The following PCDH17 variants were observed in gnomAD, a reference collection of about 807,000 sequenced individuals.
PCDH17 encodes the protein protocadherin-17.
In PCDH17, 21 loss-of-function variants were observed where a neutral mutation model predicts 67.7. That is an observed-to-expected ratio of 0.31 (90% CI 0.22 to 0.45). The LOEUF is 0.45. Ranked by LOEUF, PCDH17 falls within the 20% of genes least tolerant of loss-of-function variation. PCDH17 has a pLI of 1.00. For missense variants in PCDH17, 1,471 were observed against 1,564.8 expected (o/e 0.94, Z 1.01); for synonymous variants, 701 against 656.7 (o/e 1.07, Z -1.03).
chr13:57,658,896 C>T (rs1179612040), intron 1 of PCDH17, among the ~76,000 whole-genome samples: 1 of 152,102 alleles, frequency 6.6e-6, no homozygotes, highest in Non-Finnish European at 1.5e-5. Context: ...TCCCCTGCCT[C>T]AGCCGCCATC....
intron 3 of PCDH17, among the ~76,000 whole-genome samples, chr13:57,694,971 CTATA>C (rs1471712061): frequency 6.6e-6 from 1 of 150,928 alleles, no homozygotes; most frequent in Admixed American, 6.6e-5. Flanking sequence ...GCCTTTTGTG[CTATA>C]TATATTTTAG....
chr13:57,643,657 T>C (rs550124960), intron 1 of PCDH17, among the ~76,000 whole-genome samples: 3 of 151,752 alleles, frequency 2.0e-5, no homozygotes, highest in African/African-American at 7.2e-5. Context: ...TTATAAGTCA[T>C]ACAAAAAAGA....
chr13:57,642,644 A>C (rs1420923748), intron 1 of PCDH17, among the ~76,000 whole-genome samples: 1 of 151,636 alleles, frequency 6.6e-6, no homozygotes, highest in East Asian at 1.9e-4. Context: ...TTTCCACCTA[A>C]ATACTTAACA....
chr13:57,632,775 G>C lies in PCDH17; in HGVS notation c.229G>C (p.Val77Leu), dbSNP rs199544766. 6.2e-7 allele frequency: 1 copy of C among 1,613,136 alleles called. No individual in the cohort carries two copies. Among genetic ancestry groups the C allele is most frequent in the Non-Finnish European group, 8.5e-7 (1 of 1,179,942 alleles). Residue 77 changes from valine (V) to leucine (L), a missense_variant, in exon 1 of 4, where the codon GTG (valine) becomes CTG (leucine). By Grantham distance (32) the Val-to-Leu change is conservative. Coordinates refer to ENST00000377918, the MANE Select transcript of PCDH17 (RefSeq NM_001040429.3). ...GAACTCCGCACCGCACCTGCTGGAC[G>C]TGGACGCAGACAGCGGGCTCCTCTA... is the stretch of plus-strand genomic sequence containing the variant. ...LENSAPHLLD[V>L]DADSGLLYTK...
chr13:57,648,345 A>C (rs911313911), intron 1 of PCDH17, among the ~76,000 whole-genome samples: 2 of 151,996 alleles, frequency 1.3e-5, no homozygotes, highest in Non-Finnish European at 2.9e-5. Flanking sequence ...AAAGCATTTG[A>C]AATTCAATCA....
At chr13:57,718,733 A>C (rs1183456033) in intron 3 of PCDH17, among the ~76,000 whole-genome samples, 1 of 152,056 alleles carries the variant, frequency 6.6e-6, no homozygotes, top group Non-Finnish European at 1.5e-5. Flanking sequence ...CCATTTTCTG[A>C]TGAGATTTCT....
intron 3 of PCDH17, among the ~76,000 whole-genome samples, chr13:57,723,714 G>A (rs1955889904): frequency 2.0e-5 from 3 of 152,114 alleles, no homozygotes; most frequent in Admixed American, 6.6e-5. Context: ...TTAAAATATT[G>A]GGGTCAATGG....
chr13:57,691,542 ATTATTTTTTAATG>A (rs1433141379), intron 3 of PCDH17, among the ~76,000 whole-genome samples: 1 of 151,230 alleles, frequency 6.6e-6, no homozygotes, highest in Non-Finnish European at 1.5e-5. Context: ...CTCTTTTGTG[ATTATTTTTTAATG>A]TTAAAGCTTT....
chr13:57,715,701 T>C (rs1955811142), intron 3 of PCDH17, among the ~76,000 whole-genome samples: 1 of 151,854 alleles, frequency 6.6e-6, no homozygotes. Flanking sequence ...TTACTCTTTG[T>C]TGTTGTCTTT....
chr13:57,698,737 G>A (rs1303517840), intron 3 of PCDH17, among the ~76,000 whole-genome samples: 1 of 151,902 alleles, frequency 6.6e-6, no homozygotes, highest in Non-Finnish European at 1.5e-5. Context: ...CCGAAATGAT[G>A]CCTAATAAAA....
chr13:57,630,794 T>C (rs1954709379), upstream of PCDH17, among the ~76,000 whole-genome samples: 1 of 152,192 alleles, frequency 6.6e-6, no homozygotes, highest in Admixed American at 6.5e-5. Flanking sequence ...CCGCAACTAA[T>C]GTCTGTGAAG....
intron 3 of PCDH17, among the ~76,000 whole-genome samples, chr13:57,667,292 T>C (rs1280780310): frequency 6.6e-6 from 1 of 152,172 alleles, no homozygotes; most frequent in Non-Finnish European, 1.5e-5. Context: ...AGCTTCAAAA[T>C]AGTTTTTCAA....
Position 57,726,180 on chromosome 13 carries a change from T to A in PCDH17, c.*886T>A, listed in dbSNP as rs925176527. The A allele has an allele frequency of 6.6e-6, 1 of 152,630 alleles. No homozygotes were observed. The highest frequency in any genetic ancestry group is 2.4e-5 in the African/African-American group (1 of 41,454). The allele number at this position is 152,630 out of a possible 1,614,324, so 9.5% of individuals were successfully genotyped here. ...AAGATTCAGAGAAAATTAACTTGATTAATATGTTTTATTCATTTGTGGACA... is the reference window on the plus strand; with the variant it reads ...AAGATTCAGAGAAAATTAACTTGATAAATATGTTTTATTCATTTGTGGACA... On this transcript the variant is annotated 3_prime_UTR_variant, in exon 4 of 4. Transcript: ENST00000377918.
At chr13:57,667,011 C>G (rs965086308) in intron 3 of PCDH17, among the ~76,000 whole-genome samples, 178 bp downstream of exon 3, 2 of 152,046 alleles carry the variant, frequency 1.3e-5, no homozygotes, top group African/African-American at 4.8e-5. Context: ...CAGTCAAAAA[C>G]GAAAAACGAA....
At chr13:57,656,764 G>T (rs139712844) in intron 1 of PCDH17, among the ~76,000 whole-genome samples, 1 of 152,246 alleles carries the variant, frequency 6.6e-6, no homozygotes, top group African/African-American at 2.4e-5. Context: ...GAATAAAAAG[G>T]GAAGACTAAG....
At position 57,633,504 on chromosome 13, in the gene PCDH17, G is replaced by A; in HGVS notation, c.958G>A (p.Asp320Asn). Reference protein sequence around the residue: ...DYEENGMLEIDVQARDLGPNP... With the variant: ...DYEENGMLEINVQARDLGPNP... ...TGAGGAAAACGGGATGCTGGAGATT[G>A]ACGTGCAGGCCCGAGACCTGGGGCC... Residue 320 changes from aspartate to asparagine, a missense_variant, in exon 1 of 4, where the codon GAC becomes AAC. Coordinates refer to ENST00000377918, the MANE Select transcript of PCDH17 (RefSeq NM_001040429.3). This position sits in a 1 kb window ranked among gnomAD's most constrained non-coding sequence, Gnocchi z 6.2. The A allele has an allele frequency of 6.2e-7, 1 of 1,613,936 alleles. No homozygotes were observed. The highest frequency in any genetic ancestry group is 8.5e-7 in the Non-Finnish European group (1 of 1,180,036).
chr13:57,729,055 T>G lies in PCDH17; in HGVS notation c.*3761T>G. The G allele has an allele frequency of 6.6e-6, 1 of 152,156 alleles. No homozygotes were observed. The highest frequency in any genetic ancestry group is 1.9e-4 in the East Asian group (1 of 5,196). The allele number at this position is 152,156 out of a possible 1,614,324, so 9.4% of individuals were successfully genotyped here. A position where few individuals can be genotyped will look rare whatever the true frequency, so the allele number is the denominator to read the frequency against. The stretch of plus-strand genomic sequence containing the variant: ...AATGAGAGTTTTGGCTATCAAGATG[T>G]GTTGATTCTAAATATTATTGAATGA... On this transcript the variant is annotated 3_prime_UTR_variant, in exon 4 of 4. Coordinates refer to ENST00000377918, the MANE Select transcript of PCDH17 (RefSeq NM_001040429.3).
chr13:57,635,231 TG>T, intron 1 of PCDH17, 120 bp downstream of exon 1: 1 of 1,005,776 alleles, frequency 9.9e-7, no homozygotes, highest in Non-Finnish European at 1.5e-6. Flanking sequence ...AATAATTAAA[TG>T]AAAACGGTTT....
intron 3 of PCDH17, among the ~76,000 whole-genome samples, chr13:57,689,100 AGAT>A (rs1305129436): frequency 1.3e-5 from 2 of 152,066 alleles, no homozygotes; most frequent in Non-Finnish European, 2.9e-5. Flanking sequence ...CTGATGATAA[AGAT>A]GATGATAATG....
Sources: gnomAD v4.1 joint callset for allele counts (sites outside exome capture counted in the v4.1 genomes callset) on GRCh38, gnomAD v4.1.1 for gene constraint, Gnocchi (gnomAD v3.1) non-coding constraint, MANE v1.5 for transcripts, NCBI Gene and HGNC (gene_info 2026-07-23, HGNC 2026-07-21) for gene names.